The following JRK variants were observed in gnomAD, a reference collection of about 807,000 sequenced individuals.
The protein encoded by JRK is Jrk helix-turn-helix protein.
For synonymous variants in JRK, 303 were observed against 218.1 expected, an observed-to-expected ratio of 1.39 and a Z score of -3.43; for missense variants, 720 against 509.2, an observed-to-expected ratio of 1.41 and a Z score of -3.98.
At chr8:142,668,352 G>A (rs1554636591) in intron 1 of JRK, among the ~76,000 whole-genome samples, 1 of 152,166 alleles carries the variant, frequency 6.6e-6, no homozygotes, top group Non-Finnish European at 1.5e-5. Flanking sequence ...GTCCTCTTCC[G>A]GAGTCAGTTT....
At chr8:142,669,792 A>ACCCCG (rs1424131488) in intron 1 of JRK, 140 bp downstream of exon 1, 15 of 148,862 alleles carry the variant, frequency 1.0e-4, no homozygotes, top group East Asian at 6.0e-4. Context: ...CTCGCGACCA[A>ACCCCG]CCCCGCCCCG....
chr8:142,650,723 G>A, the JRK span, among the ~76,000 whole-genome samples: 2 of 152,114 alleles, frequency 1.3e-5, no homozygotes, highest in East Asian at 3.8e-4. Context: ...TTTGTAAATT[G>A]CCCAGTTTCG....
chr8:142,665,179 C>T lies in JRK; in HGVS notation c.880G>A (p.Ala294Thr). ...RTIGLPEDSK[A>T]VLLLDSSRAH... Reference sequence around the variant, plus strand: ...CGGGAGCTGTCCAGCAAGAGAACGGCTTTGCTGTCTTCCGGCAAACCTATG... The same window carrying T: ...CGGGAGCTGTCCAGCAAGAGAACGGTTTTGCTGTCTTCCGGCAAACCTATG... The change falls in exon 2 of 2, where the codon GCC becomes ACC. Residue 294 changes from alanine to threonine, a missense_variant. Coordinates refer to ENST00000612905, the MANE Select transcript of JRK (RefSeq NM_003724.4). The T allele has an allele frequency of 4.2e-6, 3 of 717,964 alleles. No individual in the cohort carries two copies. Among genetic ancestry groups the T allele is most frequent in the East Asian group, 2.7e-5 (1 of 37,276 alleles). The allele number at this position is 717,964 out of a possible 1,614,324, so 44.5% of individuals were successfully genotyped here. A position where few individuals can be genotyped will look rare whatever the true frequency, so the allele number is the denominator to read the frequency against.
intron 1 of JRK, among the ~76,000 whole-genome samples, chr8:142,666,775 G>A (rs1189680628): frequency 6.6e-6 from 1 of 152,206 alleles, no homozygotes; most frequent in African/African-American, 2.4e-5. Flanking sequence ...GCTAGGGCTG[G>A]AAACGAGACG....
intron 1 of JRK, among the ~76,000 whole-genome samples, chr8:142,669,281 G>A (rs1847244078): frequency 1.3e-5 from 2 of 151,898 alleles, no homozygotes; most frequent in South Asian, 2.1e-4. Context: ...GGGGGAAGAG[G>A]TGAGCTGGGG....
chr8:142,656,705 A>C (rs1846760226), downstream of JRK, among the ~76,000 whole-genome samples: 1 of 152,112 alleles, frequency 6.6e-6, no homozygotes, highest in Admixed American at 6.5e-5. Context: ...TGTGGGGAGG[A>C]ATGTGGAGCT....
At chr8:142,651,037 T>C in the JRK span, among the ~76,000 whole-genome samples, 1 of 152,092 alleles carries the variant, frequency 6.6e-6, no homozygotes, top group Non-Finnish European at 1.5e-5. Flanking sequence ...ATATAAACTA[T>C]TTTAGGTCCC....
rs1554634107 is a variant in JRK, at chr8:142,658,870, G to A, written c.*5482C>T. 3.1e-6 allele frequency: 5 copies of A among 1,613,276 alleles called. No individual in the cohort carries two copies. The highest frequency in any genetic ancestry group is 3.4e-6 in the Non-Finnish European group (4 of 1,179,642). The stretch of plus-strand genomic sequence containing the variant: ...TTCTCCAACATTATGTCTCTGTAGA[G>A]GCCTCCAGGCAGCACTTAGGAATTG... On this transcript the variant is annotated 3_prime_UTR_variant, in exon 2 of 2. Coordinates refer to ENST00000612905, the MANE Select transcript of JRK (RefSeq NM_003724.4).
At chr8:142,650,143 C>A in the JRK span, among the ~76,000 whole-genome samples, 1 of 152,238 alleles carries the variant, frequency 6.6e-6, no homozygotes, top group East Asian at 1.9e-4. Context: ...GCCTGTGGCC[C>A]CTTTGTTTTG....
Position 142,662,717 on chromosome 8 carries a change from G to A in JRK, c.*1635C>T. 1 of 985,474 alleles carries A rather than the reference G, an allele frequency of 1.0e-6. No individual in the cohort carries two copies. The highest frequency in any genetic ancestry group is 1.2e-6 in the Non-Finnish European group (1 of 829,942). The allele number at this position is 985,474 out of a possible 1,614,324, so 61.0% of individuals were successfully genotyped here. A position where few individuals can be genotyped will look rare whatever the true frequency, so the allele number is the denominator to read the frequency against. On this transcript the variant is annotated 3_prime_UTR_variant, in exon 2 of 2. Transcript: ENST00000612905. ...GTGAAAGTACGAGAAACCACAGCGA[G>A]CCAAATCCTCTCCTTCATGAGAACA...
intron 1 of JRK, among the ~76,000 whole-genome samples, chr8:142,669,316 G>A (rs1554636872): frequency 6.6e-6 from 1 of 152,064 alleles, no homozygotes; most frequent in East Asian, 1.9e-4. Flanking sequence ...ATGGGACAGA[G>A]AAGGAGGGGA....
chr8:142,659,429 T>C lies in JRK; in HGVS notation c.*4923A>G, dbSNP rs1846843880. 1.0e-6 allele frequency: 1 copy of C among 986,370 alleles called. No individual in the cohort carries two copies. The allele number at this position is 986,370 out of a possible 1,614,324, so 61.1% of individuals were successfully genotyped here. A position where few individuals can be genotyped will look rare whatever the true frequency, so the allele number is the denominator to read the frequency against. On this transcript the variant is annotated 3_prime_UTR_variant, in exon 2 of 2. Transcript: ENST00000612905. ...GGGCTACCTGCAGACATAGAGGGCCTTTGAGCACCTCGTAGCTTGCTTCCC... is the reference window on the plus strand; with the variant it reads ...GGGCTACCTGCAGACATAGAGGGCCCTTGAGCACCTCGTAGCTTGCTTCCC...
chr8:142,659,277 T>C lies in JRK; in HGVS notation c.*5075A>G, dbSNP rs967727847. The C allele has an allele frequency of 4.7e-6, 5 of 1,067,666 alleles. No individual in the cohort carries two copies. The African/African-American group carries it at 8.3e-5, about 18-fold the overall frequency. 66.1% of individuals were successfully genotyped at this position (1,067,666 alleles called of 1,614,324 possible). On this transcript the variant is annotated 3_prime_UTR_variant, in exon 2 of 2. Coordinates refer to ENST00000612905, the MANE Select transcript of JRK (RefSeq NM_003724.4). ...GGGACATGCCTTGGCTTGGGGTGGCTTAGGACCAGGGCAAGACGCCTGACC... is the reference window on the plus strand; with the variant it reads ...GGGACATGCCTTGGCTTGGGGTGGCCTAGGACCAGGGCAAGACGCCTGACC...
At chr8:142,650,253 G>T in the JRK span, among the ~76,000 whole-genome samples, 3 of 152,210 alleles carry the variant, frequency 2.0e-5, no homozygotes, top group African/African-American at 7.2e-5. Flanking sequence ...CAGGCTCATA[G>T]GCAGAAGGGA....
the JRK span, among the ~76,000 whole-genome samples, chr8:142,649,883 A>G: frequency 0.59 from 90,194 of 152,180 alleles, 28,172 homozygotes; most frequent in Admixed American, 0.69. Context: ...CTGACCTCTA[A>G]ACCCCAGAAT....
the JRK span, among the ~76,000 whole-genome samples, chr8:142,648,721 C>G: frequency 3.3e-5 from 5 of 152,240 alleles, no homozygotes. Context: ...AGCCCCCATG[C>G]AGAGTCCCTA....
chr8:142,665,853 G>A lies in JRK; in HGVS notation c.206C>T (p.Ser69Phe), dbSNP rs587725853. ...KAQLLRFFAS[S>F]DSNKALEQRR... ...CTGCTCCAGCGCCTTGTTGGAGTCG[G>A]AGCTGGCGAAGAACCGGAGCAGCTG... is the stretch of plus-strand genomic sequence containing the variant. The change falls in exon 2 of 2, where the codon TCC becomes TTC. Residue 69 changes from serine (S) to phenylalanine (F), a missense_variant. Physicochemically the swap from Ser to Phe is radical, Grantham distance 155. Coordinates refer to ENST00000612905, the MANE Select transcript of JRK (RefSeq NM_003724.4). The A allele has an allele frequency of 9.0e-6, 7 of 780,112 alleles. No individual in the cohort carries two copies. Among genetic ancestry groups the A allele is most frequent in the African/African-American group, 1.7e-5 (1 of 59,162 alleles). The allele number at this position is 780,112 out of a possible 1,614,324, so 48.3% of individuals were successfully genotyped here.
the JRK span, among the ~76,000 whole-genome samples, chr8:142,646,360 A>G: frequency 6.6e-6 from 1 of 152,194 alleles, no homozygotes; most frequent in African/African-American, 2.4e-5. Context: ...AACAAACCCT[A>G]CTGGCTGTGG....
chr8:142,649,967 C>T, the JRK span, among the ~76,000 whole-genome samples: 2 of 152,244 alleles, frequency 1.3e-5, no homozygotes, highest in Non-Finnish European at 1.5e-5. Flanking sequence ...GTGAAAGCAG[C>T]CAGGAGGAAA....
Sources: allele counts gnomAD v4.1 joint callset (sites outside exome capture counted in the v4.1 genomes callset), GRCh38; gene constraint gnomAD v4.1.1; transcripts MANE v1.5; gene names NCBI Gene and HGNC (gene_info 2026-07-23, HGNC 2026-07-21).